WAPL: variants seen among roughly 807,000 people sequenced by gnomAD.
The protein encoded by WAPL is WAPL cohesin release factor.
A neutral mutation model predicts 121.0 loss-of-function variants in WAPL; 5 were observed. That is an observed-to-expected ratio of 0.04 (90% CI 0.02 to 0.09). The LOEUF is 0.09. Among genes scored for constraint, WAPL ranks in the 10% least tolerant of loss-of-function variants. The pLI, the probability that WAPL is intolerant of heterozygous loss-of-function variation, is 1.00. For synonymous variants in WAPL, 480 were observed against 481.5 expected (o/e 1.00, Z 0.04); for missense variants, 999 against 1,410.8 (o/e 0.71, Z 4.68).
rs190760037 is a variant in WAPL, at chr10:86,463,077, A to G, written c.2371-1790T>C. On this transcript the variant is annotated intron_variant, in intron 9 of 18. Coordinates refer to ENST00000298767, the MANE Select transcript of WAPL (RefSeq NM_015045.5). ...AAACAGCCTACTAATCAAGCATTTT[A>G]TTTGAAAACTGGAATAGTACTCAGA... 3.6e-3 allele frequency among the ~76,000 whole-genome samples: 554 copies of G among 152,356 alleles called. 2 individuals carry two copies. Among genetic ancestry groups the G allele is most frequent in the African/African-American group, 0.012 (516 of 41,592 alleles).
In WAPL at chr10:86,472,889, G is replaced by A. The variant is rs916187844; in HGVS notation, c.1741-125C>T. 2.0e-6 allele frequency: 2 copies of A among 1,006,272 alleles called. No homozygotes were observed. Among genetic ancestry groups the A allele is most frequent in the African/African-American group, 3.3e-5 (2 of 61,136 alleles). The allele number at this position is 1,006,272 out of a possible 1,614,324, so 62.3% of individuals were successfully genotyped here. The stretch of plus-strand genomic sequence containing the variant: ...AGCTTTTTAAAAAGCAGGGAGCAGG[G>A]AGGCCTCTCAAAGGTCTTTAGAAAT... On this transcript the variant is annotated intron_variant, in intron 5 of 18. Transcript: ENST00000298767. The surrounding 1 kb of genome is among the most constrained non-coding windows in gnomAD (Gnocchi z 4.2).
At chr10:86,519,325 C>CA (rs376948769) in intron 1 of WAPL, among the ~76,000 whole-genome samples, 49 of 152,198 alleles carry the variant, frequency 3.2e-4, no homozygotes, top group African/African-American at 1.1e-3. Context: ...AAAAAGTGAA[C>CA]AAGGGCCTAA....
At chr10:86,502,457 T>A (rs1842264769) in intron 2 of WAPL, among the ~76,000 whole-genome samples, 4 of 152,306 alleles carry the variant, frequency 2.6e-5, no homozygotes, top group Admixed American at 2.0e-4. Context: ...TAAAAAAATA[T>A]ATTTATGAAT....
intron 17 of WAPL, among the ~76,000 whole-genome samples, chr10:86,441,123 G>C (rs1397739495): frequency 6.6e-6 from 1 of 152,032 alleles, no homozygotes; most frequent in Non-Finnish European, 1.5e-5. Context: ...CAATGCCCTT[G>C]CTCCTAGAAA....
chr10:86,467,245 T>C, intron 9 of WAPL, 34 bp downstream of exon 9: 1 of 1,582,802 alleles, frequency 6.3e-7, no homozygotes, highest in Non-Finnish European at 8.7e-7. Flanking sequence ...CTGAAAGTAA[T>C]TCTCATCTTA....
At chr10:86,451,322 T>C (rs1205780401) in intron 15 of WAPL, among the ~76,000 whole-genome samples, 2 of 151,922 alleles carry the variant, frequency 1.3e-5, no homozygotes, top group Non-Finnish European at 1.5e-5. Context: ...CGAAAAAAAA[T>C]CAGCAAAATA....
At chr10:86,489,884 T>TG (rs1842005770) in intron 4 of WAPL, among the ~76,000 whole-genome samples, 5 of 23,390 alleles carry the variant, frequency 2.1e-4, no homozygotes, top group Admixed American at 9.0e-4. Context: ...GGTTTTGCCT[T>TG]GAAAAAAAAA....
chr10:86,492,227 G>A (rs1842063650), intron 4 of WAPL, among the ~76,000 whole-genome samples: 1 of 152,090 alleles, frequency 6.6e-6, no homozygotes, highest in Admixed American at 6.5e-5. Context: ...CTGGAAGAAG[G>A]AGAGGGGAAG....
Position 86,436,930 on chromosome 10 carries a change from T to A in WAPL, c.*613A>T, listed in dbSNP as rs1392805996. 1.3e-5 allele frequency: 2 copies of A among 152,508 alleles called. No individual in the cohort carries two copies. Among genetic ancestry groups the A allele is most frequent in the Admixed American group, 6.6e-5 (1 of 15,258 alleles). The allele number at this position is 152,508 out of a possible 1,614,324, so 9.4% of individuals were successfully genotyped here. A position where few individuals can be genotyped will look rare whatever the true frequency, so the allele number is the denominator to read the frequency against. On this transcript the variant is annotated 3_prime_UTR_variant, in exon 19 of 19. Coordinates refer to ENST00000298767, the MANE Select transcript of WAPL (RefSeq NM_015045.5). ...CCAAACCTAATCAAGAATAAAAAAATATACTATTAATCCCGTGTATCTTTG... is the reference window on the plus strand; with the variant it reads ...CCAAACCTAATCAAGAATAAAAAAAAATACTATTAATCCCGTGTATCTTTG...
Position 86,521,717 on chromosome 10 carries a change from G to C in WAPL, c.-375C>G, listed in dbSNP as rs1382287228. 4.3e-6 allele frequency: 2 copies of C among 463,644 alleles called. No homozygotes were observed. The highest frequency in any genetic ancestry group is 1.6e-5 in the South Asian group (1 of 63,424). The allele number at this position is 463,644 out of a possible 1,614,324, so 28.7% of individuals were successfully genotyped here. ...AATGGTCAGTGCTGGAGTTTGAACA[G>C]GGCCCTGAACCATCTCAACGCCATT... On this transcript the variant is annotated 5_prime_UTR_variant, in exon 1 of 19. Coordinates refer to ENST00000298767, the MANE Select transcript of WAPL (RefSeq NM_015045.5).
intron 4 of WAPL, among the ~76,000 whole-genome samples, chr10:86,495,459 T>C (rs1842131380): frequency 6.7e-6 from 1 of 149,732 alleles, no homozygotes; most frequent in Non-Finnish European, 1.5e-5. Context: ...AGTGAGACCA[T>C]CTCAAAAAAA....
intron 1 of WAPL, among the ~76,000 whole-genome samples, chr10:86,520,492 T>C (rs781579966): frequency 6.6e-6 from 1 of 152,130 alleles, no homozygotes; most frequent in African/African-American, 2.4e-5. Flanking sequence ...TTATATAATA[T>C]CTCCTCCTGA....
chr10:86,504,827 CA>C (rs1320298466), intron 2 of WAPL, among the ~76,000 whole-genome samples: 1 of 151,734 alleles, frequency 6.6e-6, no homozygotes, highest in East Asian at 1.9e-4. Context: ...ATCTTGACAA[CA>C]AAAAACAACA....
Position 86,435,534 on chromosome 10 carries a change from G to A in WAPL, c.*2009C>T, listed in dbSNP as rs1368305149. 1 of 152,562 alleles carries A rather than the reference G, an allele frequency of 6.6e-6. No homozygotes were observed. Among genetic ancestry groups the A allele is most frequent in the African/African-American group, 2.4e-5 (1 of 41,432 alleles). 9.5% of individuals were successfully genotyped at this position (152,562 alleles called of 1,614,324 possible). A position where few individuals can be genotyped will look rare whatever the true frequency, so the allele number is the denominator to read the frequency against. On this transcript the variant is annotated 3_prime_UTR_variant, in exon 19 of 19. Transcript: ENST00000298767. Reference sequence around the variant, plus strand: ...AGCCTCAAGTACCCTAAAATGCAGAGTTCTCTGAGGGTTAAAAACACACAA... The same window carrying A: ...AGCCTCAAGTACCCTAAAATGCAGAATTCTCTGAGGGTTAAAAACACACAA...
intron 15 of WAPL, 65 bp from the exon 16 acceptor site, chr10:86,446,514 T>C (rs1849623283): frequency 6.8e-7 from 1 of 1,472,520 alleles, no homozygotes. Flanking sequence ...TATATGCAAA[T>C]ATAAAGTTAT....
chr10:86,468,691 T>C (rs560449208), intron 8 of WAPL, among the ~76,000 whole-genome samples: 1 of 152,012 alleles, frequency 6.6e-6, no homozygotes, highest in Non-Finnish European at 1.5e-5. Context: ...TCGCCAGGCG[T>C]GGTGGCTCAC....
At chr10:86,503,584 CT>C (rs1842287912) in intron 2 of WAPL, among the ~76,000 whole-genome samples, 1 of 151,890 alleles carries the variant, frequency 6.6e-6, no homozygotes, top group Non-Finnish European at 1.5e-5. Flanking sequence ...AACTCCGTCT[CT>C]ACTAAAAATA....
At chr10:86,460,998 C>T (rs1841259376) in intron 10 of WAPL, among the ~76,000 whole-genome samples, 178 bp downstream of exon 10, 4 of 152,182 alleles carry the variant, frequency 2.6e-5, no homozygotes, top group African/African-American at 9.7e-5. Context: ...CAGGCATGAG[C>T]CACCGTGCCC....
rs1316851643 is a variant in WAPL at position 86,437,494 on chromosome 10, C to T, written c.*49G>A. The T allele has an allele frequency of 6.3e-7, 1 of 1,585,880 alleles. No homozygotes were observed. The highest frequency in any genetic ancestry group is 1.8e-5 in the Admixed American group (1 of 56,902). ...CTTTCATGACTTGACTTTTCTTTGTCTAAGGATAGCTCCAGCATTACCGAG... is the reference window on the plus strand; with the variant it reads ...CTTTCATGACTTGACTTTTCTTTGTTTAAGGATAGCTCCAGCATTACCGAG... On this transcript the variant is annotated 3_prime_UTR_variant, in exon 19 of 19. Transcript: ENST00000298767.
Sources: gnomAD v4.1 joint callset for allele counts (sites outside exome capture counted in the v4.1 genomes callset) on GRCh38, gnomAD v4.1.1 for gene constraint, Gnocchi (gnomAD v3.1) non-coding constraint, MANE v1.5 for transcripts, NCBI Gene and HGNC (gene_info 2026-07-23, HGNC 2026-07-21) for gene names.